The following COL5A2 variants were observed in gnomAD, a reference collection of about 807,000 sequenced individuals.
COL5A2 encodes the protein collagen type V alpha 2 chain.
In COL5A2, 23 loss-of-function variants were observed where a neutral mutation model predicts 208.2. The observed-to-expected ratio is 0.11, with a 90% CI of 0.08 to 0.16. The LOEUF is 0.16. Among genes scored for constraint, COL5A2 ranks in the 10% least tolerant of loss-of-function variants. The pLI, the probability that COL5A2 is intolerant of heterozygous loss-of-function variation, is 1.00. For missense variants in COL5A2, 1,590 were observed against 1,956.4 expected (o/e 0.81, Z 3.53); for synonymous variants, 625 against 628.5 (o/e 0.99, Z 0.08).
chr2:189,092,503 C>T (rs528162671), intron 6 of COL5A2, 83 bp from the exon 7 acceptor site: 51 of 818,692 alleles, frequency 6.2e-5, no homozygotes, highest in Middle Eastern at 4.4e-4. Context: ...TTCTTAATGG[C>T]AAGGGAGTGT....
chr2:189,313,615 G>A, the COL5A2 span, among the ~76,000 whole-genome samples: 2 of 152,146 alleles, frequency 1.3e-5, no homozygotes, highest in East Asian at 3.9e-4. Flanking sequence ...ATGTAAATAG[G>A]ATAAATACAC....
chr2:189,390,069 T>C, the COL5A2 span, among the ~76,000 whole-genome samples: 2 of 152,064 alleles, frequency 1.3e-5, no homozygotes, highest in Non-Finnish European at 2.9e-5. Context: ...ATTCAAGTTC[T>C]TTTTGGCCTC....
chr2:189,266,512 G>C, the COL5A2 span, among the ~76,000 whole-genome samples: 1 of 151,798 alleles, frequency 6.6e-6, no homozygotes, highest in Admixed American at 6.6e-5. Context: ...GAACCCTGAA[G>C]ACATAAAAGG....
chr2:189,265,211 A>G, the COL5A2 span, among the ~76,000 whole-genome samples: 2 of 152,196 alleles, frequency 1.3e-5, no homozygotes, highest in African/African-American at 2.4e-5. Context: ...TGTGACATCA[A>G]AAGAACAATC....
At chr2:189,409,204 C>CTTT in the COL5A2 span, among the ~76,000 whole-genome samples, 1,268 of 91,996 alleles carry the variant, frequency 0.014, 61 homozygotes, top group South Asian at 0.042. Flanking sequence ...TAAATTTACT[C>CTTT]TTTTTTTTTT....
the COL5A2 span, among the ~76,000 whole-genome samples, chr2:189,417,932 C>A: frequency 0.013 from 1,967 of 152,138 alleles, 53 homozygotes; most frequent in African/African-American, 0.045. Context: ...ATGCTGCAAT[C>A]ATCATGGGAA....
At chr2:189,294,597 A>G in the COL5A2 span, among the ~76,000 whole-genome samples, 1 of 152,232 alleles carries the variant, frequency 6.6e-6, no homozygotes, top group Non-Finnish European at 1.5e-5. Flanking sequence ...TAAGTAGAAC[A>G]TACTCATAAA....
rs761543775 is a variant in COL5A2, at chr2:189,045,841, G to A, written c.3268C>T (p.Pro1090Ser). The change falls in exon 46 of 54, where the codon CCT (proline) becomes TCT (serine). Residue 1090 changes from proline (P) to serine (S), a missense_variant. Transcript: ENST00000374866. ...CCTGCATCTCCTGGAGCACCCACAGGGCCAGGAGTTCCAGGGGCACCCTGA... is the reference window on the plus strand; with the variant it reads ...CCTGCATCTCCTGGAGCACCCACAGAGCCAGGAGTTCCAGGGGCACCCTGA... The part of the protein sequence containing the change: ...GSQGAPGTPG[P>S]VGAPGDAGQR... 4.3e-6 allele frequency: 7 copies of A among 1,613,968 alleles called. No individual in the cohort carries two copies. Among genetic ancestry groups the A allele is most frequent in the African/African-American group, 1.3e-5 (1 of 74,910 alleles).
intron 52 of COL5A2, among the ~76,000 whole-genome samples, chr2:189,036,160 C>T (rs965806318): frequency 6.6e-6 from 1 of 152,018 alleles, no homozygotes; most frequent in Non-Finnish European, 1.5e-5. Flanking sequence ...AATATTATCA[C>T]CCTTACTTTA....
chr2:189,315,452 T>C, the COL5A2 span, among the ~76,000 whole-genome samples: 1 of 152,122 alleles, frequency 6.6e-6, no homozygotes, highest in East Asian at 1.9e-4. Flanking sequence ...AAGAACCATA[T>C]ATGACAAACC....
At chr2:189,279,509 C>A in the COL5A2 span, among the ~76,000 whole-genome samples, 1 of 141,896 alleles carries the variant, frequency 7.0e-6, no homozygotes. Context: ...AAAATCTTTA[C>A]AGGGAAGATA....
intron 1 of COL5A2, among the ~76,000 whole-genome samples, chr2:189,215,804 C>T (rs1030904959): frequency 1.3e-5 from 2 of 152,072 alleles, no homozygotes; most frequent in African/African-American, 4.8e-5. Flanking sequence ...CCTCTTTCGC[C>T]TATTCTAAAT....
the COL5A2 span, among the ~76,000 whole-genome samples, chr2:189,259,116 A>G: frequency 6.6e-6 from 1 of 152,228 alleles, no homozygotes; most frequent in Non-Finnish European, 1.5e-5. Flanking sequence ...AAAGAAGTCA[A>G]TCGTGACTTT....
At chr2:189,100,232 A>C in intron 3 of COL5A2, 93 bp from the exon 4 acceptor site, 1 of 958,298 alleles carries the variant, frequency 1.0e-6, no homozygotes, top group East Asian at 2.4e-5. Flanking sequence ...CCATGTAAAC[A>C]CAGGGAATTT....
chr2:189,215,811 A>G (rs1160783089), intron 1 of COL5A2, among the ~76,000 whole-genome samples: 1 of 152,174 alleles, frequency 6.6e-6, no homozygotes, highest in African/African-American at 2.4e-5. Context: ...CGCCTATTCT[A>G]AATTAAAAAA....
chr2:189,394,984 G>A, the COL5A2 span, among the ~76,000 whole-genome samples: 1 of 152,112 alleles, frequency 6.6e-6, no homozygotes, highest in Non-Finnish European at 1.5e-5. Flanking sequence ...CAGAATTTGT[G>A]TTACTTCCTT....
chr2:189,068,315 A>G, intron 19 of COL5A2, 45 bp from the exon 20 acceptor site: 1 of 1,471,930 alleles, frequency 6.8e-7, no homozygotes, highest in Non-Finnish European at 9.5e-7. Flanking sequence ...TAAGCAATAT[A>G]TAGATACAAA....
the COL5A2 span, among the ~76,000 whole-genome samples, chr2:189,361,948 A>G: frequency 4.3e-3 from 648 of 152,190 alleles, 2 homozygotes; most frequent in African/African-American, 0.015. Flanking sequence ...TTCCGTTTAT[A>G]TCATTTTATG....
chr2:189,113,261 C>T (rs954413332), intron 1 of COL5A2, among the ~76,000 whole-genome samples: 7 of 152,074 alleles, frequency 4.6e-5, no homozygotes, highest in African/African-American at 1.7e-4. Context: ...GAGATACTAT[C>T]TCTGCAAAAA....
Sources: gnomAD v4.1 joint callset for allele counts (sites outside exome capture counted in the v4.1 genomes callset) on GRCh38, gnomAD v4.1.1 for gene constraint, MANE v1.5 for transcripts, NCBI Gene and HGNC (gene_info 2026-07-23, HGNC 2026-07-21) for gene names.